Variants in CTNNA3 observed in about 807,000 individuals in gnomAD.
CTNNA3 encodes the protein catenin alpha 3.
In CTNNA3, 76 loss-of-function variants were observed where a neutral mutation model predicts 95.7. The observed-to-expected ratio is 0.79, with a 90% CI of 0.66 to 0.96. The LOEUF is 0.96. Ranked by LOEUF, CTNNA3 falls within the 40% of genes least tolerant of loss-of-function variation. CTNNA3 has a pLI of 0.00. For missense variants in CTNNA3, 1,191 were observed against 1,089.8 expected, an observed-to-expected ratio of 1.09 and a Z score of -1.31; for synonymous variants, 431 against 374.4, an observed-to-expected ratio of 1.15 and a Z score of -1.74.
intron 11 of CTNNA3, among the ~76,000 whole-genome samples, chr10:66,518,010 T>C (rs966974791): frequency 6.6e-6 from 1 of 152,150 alleles, no homozygotes; most frequent in African/African-American, 2.4e-5. Flanking sequence ...TCCACATAGC[T>C]TAACTGCTCC....
chr10:67,489,805 T>TATATATATATATATATATATAC (rs927605119), intron 5 of CTNNA3, among the ~76,000 whole-genome samples: 185 of 148,918 alleles, frequency 1.2e-3, no homozygotes, highest in African/African-American at 4.4e-3. Context: ...TATATATATA[T>TATATATATATATATATATATAC]ACACACATTA....
intron 16 of CTNNA3, among the ~76,000 whole-genome samples, chr10:65,968,038 T>TA (rs1297610806): frequency 1.3e-5 from 2 of 152,214 alleles, no homozygotes; most frequent in African/African-American, 4.8e-5. Context: ...TTTTGGAAGT[T>TA]AAAAAAATCA....
At chr10:67,254,516 C>G (rs1866254000) in intron 5 of CTNNA3, among the ~76,000 whole-genome samples, 1 of 152,162 alleles carries the variant, frequency 6.6e-6, no homozygotes, top group African/African-American at 2.4e-5. Flanking sequence ...CTAGGTCTTT[C>G]TGATCTAAAT....
intron 9 of CTNNA3, among the ~76,000 whole-genome samples, chr10:66,669,560 A>G (rs537455617): frequency 6.6e-5 from 10 of 152,142 alleles, no homozygotes; most frequent in Non-Finnish European, 1.3e-4. Context: ...GAAAAAAAGA[A>G]AAAGAAATCT....
At chr10:67,283,854 T>C (rs1012536378) in intron 5 of CTNNA3, among the ~76,000 whole-genome samples, 2 of 152,196 alleles carry the variant, frequency 1.3e-5, no homozygotes, top group African/African-American at 2.4e-5. Flanking sequence ...CCACTAACAA[T>C]ATCCTTTTGA....
intron 7 of CTNNA3, among the ~76,000 whole-genome samples, chr10:67,050,910 A>T (rs1855049936): frequency 6.6e-6 from 1 of 152,216 alleles, no homozygotes; most frequent in African/African-American, 2.4e-5. Flanking sequence ...TTTATTTGCC[A>T]TGGTGACAGC....
At chr10:66,714,128 G>C (rs1170208738) in intron 9 of CTNNA3, among the ~76,000 whole-genome samples, 1 of 152,018 alleles carries the variant, frequency 6.6e-6, no homozygotes, top group Non-Finnish European at 1.5e-5. Context: ...ATGGTGTATT[G>C]ACTGTTATTG....
intron 11 of CTNNA3, among the ~76,000 whole-genome samples, chr10:66,515,680 G>A (rs933256869): frequency 6.6e-6 from 1 of 152,098 alleles, no homozygotes; most frequent in Non-Finnish European, 1.5e-5. Flanking sequence ...CATGGTGGAA[G>A]GGGAAGCAAA....
rs1387246582 is a variant in CTNNA3 at position 65,919,118 on chromosome 10, G to A, written c.*1212C>T. The stretch of plus-strand genomic sequence containing the variant: ...ATGGCCTCCAAAGAGTTTCTGTTAA[G>A]GACATTTTTGAAAGACAGAGAGAGG... On this transcript the variant is annotated 3_prime_UTR_variant, in exon 18 of 18. Coordinates refer to ENST00000433211, the MANE Select transcript of CTNNA3 (RefSeq NM_013266.4). 6.6e-6 allele frequency: 1 copy of A among 152,064 alleles called. No individual in the cohort carries two copies. The highest frequency in any genetic ancestry group is 2.4e-5 in the African/African-American group (1 of 41,404). 9.4% of individuals were successfully genotyped at this position (152,064 alleles called of 1,614,324 possible).
intron 8 of CTNNA3, among the ~76,000 whole-genome samples, chr10:66,772,095 T>G (rs1330687621): frequency 3.9e-5 from 6 of 152,024 alleles, no homozygotes; most frequent in African/African-American, 7.2e-5. Context: ...GTGATGCAAA[T>G]TCTGGTAAAT....
rs554731698 is a variant in CTNNA3 at position 66,507,037 on chromosome 10, C to T, written c.1531+13580G>A. 4.6e-5 allele frequency among the ~76,000 whole-genome samples: 7 copies of T among 152,156 alleles called. No individual in the cohort carries two copies. In the East Asian group the frequency reaches 1.2e-3, roughly 25 times the overall value. On this transcript the variant is annotated intron_variant, in intron 11 of 17. Transcript: ENST00000433211. ...AATTTTAACATTTTGCTCTTGCTAA[C>T]ATTATTATGTGTTTTTTGGCATCAG...
chr10:67,168,588 A>C (rs1861881803), intron 7 of CTNNA3, among the ~76,000 whole-genome samples: 1 of 152,222 alleles, frequency 6.6e-6, no homozygotes, highest in South Asian at 2.1e-4. Flanking sequence ...ACACCCGTTC[A>C]TGTTAAAAAC....
At position 66,927,482 on chromosome 10, in the gene CTNNA3, G is replaced by C; in HGVS notation, c.1048-151958C>G. ...CGCAACCTGGAACTTTTGGACCTGGGATATAACCGGATCCGAAGTTTAGCC... is the reference window on the plus strand; with the variant it reads ...CGCAACCTGGAACTTTTGGACCTGGCATATAACCGGATCCGAAGTTTAGCC... On this transcript the variant is annotated intron_variant, in intron 7 of 17. Transcript: ENST00000433211. This position sits in a 1 kb window ranked among gnomAD's most constrained non-coding sequence, Gnocchi z 4.7. 6.2e-7 allele frequency: 1 copy of C among 1,614,076 alleles called. No homozygotes were observed. Among genetic ancestry groups the C allele is most frequent in the Non-Finnish European group, 8.5e-7 (1 of 1,180,018 alleles).
chr10:67,382,452 A>T (rs1843982673), intron 5 of CTNNA3, among the ~76,000 whole-genome samples: 1 of 152,214 alleles, frequency 6.6e-6, no homozygotes, highest in South Asian at 2.1e-4. Flanking sequence ...ACTAAAAATC[A>T]ACTAACAAAG....
intron 4 of CTNNA3, among the ~76,000 whole-genome samples, chr10:67,531,839 G>T (rs560111768): frequency 6.6e-6 from 1 of 152,268 alleles, no homozygotes; most frequent in East Asian, 1.9e-4. Context: ...CCAGTGGGAG[G>T]TGATTGAATT....
chr10:67,592,358 C>T (rs978267105), intron 3 of CTNNA3, among the ~76,000 whole-genome samples: 2 of 152,124 alleles, frequency 1.3e-5, no homozygotes, highest in Non-Finnish European at 2.9e-5. Flanking sequence ...TTCCTCCTCA[C>T]CAAGCTGGGG....
chr10:66,042,599 TA>T (rs770189742), intron 15 of CTNNA3, among the ~76,000 whole-genome samples: 26 of 150,724 alleles, frequency 1.7e-4, no homozygotes, highest in Admixed American at 1.1e-3. Flanking sequence ...GAAGTAGTAT[TA>T]AAAAAAAATG....
At chr10:67,629,529 G>C (rs924932499) in intron 2 of CTNNA3, among the ~76,000 whole-genome samples, 1 of 152,170 alleles carries the variant, frequency 6.6e-6, no homozygotes, top group Non-Finnish European at 1.5e-5. Context: ...AGAGAAAAGA[G>C]GTTTTATAGG....
chr10:66,085,566 AT>A (rs2080951240), intron 14 of CTNNA3, among the ~76,000 whole-genome samples: 1 of 152,124 alleles, frequency 6.6e-6, no homozygotes, highest in Non-Finnish European at 1.5e-5. Flanking sequence ...CAAGAAAAAA[AT>A]AAATGAAAGA....
Sources: gnomAD v4.1 joint callset for allele counts (sites outside exome capture counted in the v4.1 genomes callset) on GRCh38, gnomAD v4.1.1 for gene constraint, Gnocchi (gnomAD v3.1) non-coding constraint, MANE v1.5 for transcripts, NCBI Gene and HGNC (gene_info 2026-07-23, HGNC 2026-07-21) for gene names.